The following GRB10 variants were observed in gnomAD, a reference collection of about 807,000 sequenced individuals.
GRB10 encodes growth factor receptor-bound protein 10.
In GRB10, 20 loss-of-function variants were observed where a neutral mutation model predicts 80.9. The observed-to-expected ratio is 0.25, with a 90% CI of 0.17 to 0.36. The LOEUF (loss-of-function observed/expected upper bound fraction) is 0.36. Among genes scored for constraint, GRB10 ranks in the 10% least tolerant of loss-of-function variants. GRB10 has a pLI of 1.00. For missense variants in GRB10, 548 were observed against 747.7 expected, an observed-to-expected ratio of 0.73 and a Z score of 3.12; for synonymous variants, 291 against 291.5, an observed-to-expected ratio of 1.00 and a Z score of 0.02.
At chr7:50,617,749 C>T (rs566617958) in intron 10 of GRB10, 47 of 433,598 alleles carry the variant, frequency 1.1e-4, no homozygotes, top group Non-Finnish European at 1.6e-4. Context: ...GGGGAGGGAG[C>T]CCTGAGACTG....
At chr7:50,742,269 GCGCACA>G (rs1300188510) in intron 3 of GRB10, among the ~76,000 whole-genome samples, 2,382 of 32,632 alleles carry the variant, frequency 0.073, 67 homozygotes, top group African/African-American at 0.084. Flanking sequence ...GCACGCGCGC[GCGCACA>G]CACACACACA....
At chr7:50,725,505 T>C (rs768026206) in intron 4 of GRB10, among the ~76,000 whole-genome samples, 5 of 152,200 alleles carry the variant, frequency 3.3e-5, no homozygotes, top group Non-Finnish European at 5.9e-5. Flanking sequence ...TTGGTTTTTG[T>C]AGGTCTAGTA....
At chr7:50,677,740 T>A (rs993718747) in intron 5 of GRB10, among the ~76,000 whole-genome samples, 3 of 152,242 alleles carry the variant, frequency 2.0e-5, no homozygotes, top group African/African-American at 7.2e-5. Flanking sequence ...TCTATCTCAG[T>A]GGGCCATCTA....
intron 17 of GRB10, 90 bp from the exon 18 acceptor site, chr7:50,595,620 CA>C: frequency 1.3e-6 from 1 of 767,294 alleles, no homozygotes; most frequent in Non-Finnish European, 2.3e-6. Flanking sequence ...CACACACACA[CA>C]CACACACACA....
At chr7:50,787,259 T>C (rs1222121247), upstream of GRB10, among the ~76,000 whole-genome samples, 5 of 123,110 alleles carry the variant, frequency 4.1e-5, no homozygotes, top group East Asian at 1.4e-3. Flanking sequence ...AAAATGGGGC[T>C]CTGGAGAGCA....
intron 4 of GRB10, among the ~76,000 whole-genome samples, chr7:50,726,583 A>T (rs143119809): frequency 7.2e-5 from 11 of 152,214 alleles, no homozygotes; most frequent in African/African-American, 2.6e-4. Flanking sequence ...ATTTCCATTT[A>T]TTTACTTATC....
intron 4 of GRB10, chr7:50,710,734 C>T (rs1288816161): frequency 3.4e-6 from 3 of 871,022 alleles, no homozygotes; most frequent in South Asian, 1.4e-5. Flanking sequence ...AACTGCCTCA[C>T]CTTCGGGGTA....
intron 13 of GRB10, 141 bp from the exon 14 acceptor site, chr7:50,606,555 C>T (rs913868716): frequency 1.4e-6 from 1 of 712,952 alleles, no homozygotes; most frequent in Non-Finnish European, 2.6e-6. Context: ...GCCTGAGTGC[C>T]GCTGACCCTG....
chr7:50,739,041 T>C (rs1431157462), intron 3 of GRB10, among the ~76,000 whole-genome samples: 1 of 152,200 alleles, frequency 6.6e-6, no homozygotes, highest in African/African-American at 2.4e-5. Flanking sequence ...TTTATTGGAC[T>C]ATAGTTCAGA....
chr7:50,728,819 C>T (rs897638784), intron 4 of GRB10, among the ~76,000 whole-genome samples: 5 of 152,108 alleles, frequency 3.3e-5, no homozygotes, highest in South Asian at 2.1e-4. Flanking sequence ...AACAGGTGTG[C>T]GCCACCACGC....
intron 7 of GRB10, among the ~76,000 whole-genome samples, chr7:50,668,644 C>T (rs527924587): frequency 1.3e-5 from 2 of 152,320 alleles, no homozygotes; most frequent in East Asian, 3.9e-4. Context: ...TACGACAAGG[C>T]CTGGCACACA....
intron 7 of GRB10, among the ~76,000 whole-genome samples, chr7:50,629,623 C>T (rs1423962546): frequency 6.6e-6 from 1 of 152,204 alleles, no homozygotes; most frequent in East Asian, 1.9e-4. Context: ...GTATACCAGC[C>T]ATCTCAAACC....
At position 50,669,742 on chromosome 7, in the gene GRB10, T is replaced by G; in HGVS notation, c.484A>C (p.Ser162Arg). 6.2e-7 allele frequency: 1 copy of G among 1,613,460 alleles called. No individual in the cohort carries two copies. Among genetic ancestry groups the G allele is most frequent in the Non-Finnish European group, 8.5e-7 (1 of 1,179,982 alleles). ...CTCACCTGCTTTGCGGCGGCCTGGC[T>G]CGGAGGTAAAGAACCCGGCGTGAGC... Reference protein sequence around the residue: ...PVLTPGSLPPSQAAAKQDVKV... With the variant: ...PVLTPGSLPPRQAAAKQDVKV... Residue 162 changes from serine to arginine, a missense_variant, in exon 7 of 19, where the codon AGC (serine) becomes CGC (arginine). By Grantham distance (110) the Ser-to-Arg change is moderately radical (BLOSUM62 -1). Around this residue, in one of 4 missense-constraint regions of GRB10, gnomAD observed 245 missense variants for 229.3 expected, o/e 1.07. Coordinates refer to ENST00000401949, the MANE Select transcript of GRB10 (RefSeq NM_001350814.2).
chr7:50,686,427 A>T (rs1056482391), intron 5 of GRB10, among the ~76,000 whole-genome samples: 1 of 152,200 alleles, frequency 6.6e-6, no homozygotes, highest in African/African-American at 2.4e-5. Context: ...ACAGCAACTC[A>T]AACAGACTAA....
chr7:50,702,252 T>C (rs2064345298), intron 5 of GRB10, among the ~76,000 whole-genome samples: 1 of 152,222 alleles, frequency 6.6e-6, no homozygotes, highest in Admixed American at 6.5e-5. Context: ...CCAGCATCTT[T>C]TGAAAAGAGG....
At chr7:50,680,046 AT>A (rs1237279944) in intron 5 of GRB10, among the ~76,000 whole-genome samples, 1 of 152,250 alleles carries the variant, frequency 6.6e-6, no homozygotes, top group East Asian at 1.9e-4. Flanking sequence ...AAAACCAGGT[AT>A]TATATGGTTA....
intron 7 of GRB10, among the ~76,000 whole-genome samples, chr7:50,641,076 C>T (rs7794604): frequency 0.34 from 51,883 of 151,540 alleles, 9,829 homozygotes; most frequent in South Asian, 0.44. Context: ...CGCCTACCAC[C>T]GTTGCTGGGA....
intron 7 of GRB10, among the ~76,000 whole-genome samples, chr7:50,659,768 C>A (rs555724302): frequency 2.6e-5 from 4 of 152,294 alleles, no homozygotes; most frequent in Admixed American, 2.6e-4. Flanking sequence ...GTGGCCACGC[C>A]GGAGGGCATA....
intron 15 of GRB10, 123 bp from the exon 16 acceptor site, chr7:50,604,500 C>T (rs1177197174): frequency 3.6e-6 from 3 of 829,080 alleles, no homozygotes; most frequent in Admixed American, 1.7e-5. Flanking sequence ...AGGGACCTTG[C>T]CCCATCTGAA....
Sources: gnomAD v4.1 joint callset for allele counts (sites outside exome capture counted in the v4.1 genomes callset) on GRCh38, gnomAD v4.1.1 for gene constraint, gnomAD v4.1.1 regional missense constraint, MANE v1.5 for transcripts, NCBI Gene and HGNC (gene_info 2026-07-23, HGNC 2026-07-21) for gene names.